The following FRMD6 variants were observed in gnomAD, a reference collection of about 807,000 sequenced individuals.
FRMD6 encodes FERM domain-containing protein 6.
Under a neutral mutation model 73.2 loss-of-function variants are expected in FRMD6, and 37 were observed. The ratio of observed to expected loss-of-function variants is 0.51; its 90% CI spans 0.39 to 0.66. FRMD6 has a LOEUF of 0.66. Ranked by LOEUF, FRMD6 falls within the 30% of genes least tolerant of loss-of-function variation. The probability of loss-of-function intolerance (pLI) is 0.00; values close to 1 mark genes in which losing one functional copy is unlikely to be tolerated. For synonymous variants in FRMD6, 273 were observed against 282.2 expected (o/e 0.97, Z 0.33); for missense variants, 714 against 780.5 (o/e 0.91, Z 1.02).
intron 1 of FRMD6, among the ~76,000 whole-genome samples, chr14:51,654,844 A>G (rs1250343441): frequency 6.6e-6 from 1 of 152,114 alleles, no homozygotes; most frequent in African/African-American, 2.4e-5. Flanking sequence ...AGTCTTCTAA[A>G]GGATAGAAAG....
chr14:51,564,707 T>C (rs1887682166), intron 1 of FRMD6, among the ~76,000 whole-genome samples: 1 of 152,210 alleles, frequency 6.6e-6, no homozygotes, highest in Admixed American at 6.5e-5. Flanking sequence ...CAACCTCTTC[T>C]AAGCAAATGT....
rs943185718 is a variant in FRMD6, at chr14:51,605,203, G to T, written c.-147+34793G>T. The stretch of plus-strand genomic sequence containing the variant: ...TTCTCACAGAGGGGGATTTGGCAGG[G>T]TCATAGGACAATAGTGGAGGGAAGG... On this transcript the variant is annotated intron_variant, in intron 2 of 14. Coordinates refer to the FRMD6 transcript ENST00000356218. Among the ~76,000 whole-genome samples the T allele has an allele frequency of 4.7e-5, 7 of 148,108 alleles. 2 individuals carry two copies. The Middle Eastern group carries it at 0.021, about 435-fold the overall frequency.
chr14:51,680,195 A>C (rs1229898866), intron 1 of FRMD6, among the ~76,000 whole-genome samples: 2 of 152,198 alleles, frequency 1.3e-5, no homozygotes, highest in Non-Finnish European at 2.9e-5. Flanking sequence ...TCATCTGTTC[A>C]GTCTGAGTTT....
chr14:51,676,183 A>T (rs1319172670), intron 1 of FRMD6, among the ~76,000 whole-genome samples: 1 of 152,158 alleles, frequency 6.6e-6, no homozygotes, highest in African/African-American at 2.4e-5. Flanking sequence ...CTTGGCCAGC[A>T]CATTCTCTCA....
chr14:51,723,137 T>C (rs908770996), intron 12 of FRMD6, among the ~76,000 whole-genome samples: 7 of 152,254 alleles, frequency 4.6e-5, no homozygotes, highest in Admixed American at 3.9e-4. Flanking sequence ...AGAGTTCATA[T>C]ACCAAACTTT....
intron 1 of FRMD6, among the ~76,000 whole-genome samples, chr14:51,563,821 G>A (rs1251857178): frequency 6.6e-6 from 1 of 152,154 alleles, no homozygotes; most frequent in African/African-American, 2.4e-5. Context: ...ATCAAGCTTG[G>A]AAAGTCCATT....
chr14:51,600,814 G>T (rs1489850664), intron 2 of FRMD6, among the ~76,000 whole-genome samples: 1 of 152,180 alleles, frequency 6.6e-6, no homozygotes, highest in Non-Finnish European at 1.5e-5. Context: ...TCAAACCCTG[G>T]CCATTGCCAA....
rs150336958 is a variant in FRMD6 at position 51,672,715 on chromosome 14, A to G, written c.-146-16976A>G. 5.2e-3 allele frequency among the ~76,000 whole-genome samples: 791 copies of G among 152,136 alleles called. 5 individuals are homozygous for G. Among genetic ancestry groups the G allele is most frequent in the South Asian group, 0.016 (79 of 4,814 alleles). On this transcript the variant is annotated intron_variant, in intron 1 of 13. Transcript: ENST00000344768. ...TCATATAGGGCTATTCAGGTTATCT[A>G]TTTCGTCTTGAATGAGCTTTGGAAG...
chr14:51,662,593 A>G (rs72675814), intron 1 of FRMD6, among the ~76,000 whole-genome samples: 43 of 152,366 alleles, frequency 2.8e-4, no homozygotes, highest in Non-Finnish European at 6.0e-4. Flanking sequence ...TTGGCTAGCC[A>G]TATACACAAG....
the FRMD6 span, among the ~76,000 whole-genome samples, chr14:51,438,795 T>A: frequency 6.6e-6 from 1 of 152,222 alleles, no homozygotes; most frequent in African/African-American, 2.4e-5. Context: ...AAAGTAATAG[T>A]GCCTGCCACT....
intron 1 of FRMD6, among the ~76,000 whole-genome samples, chr14:51,549,580 A>G (rs1240265713): frequency 7.7e-6 from 1 of 129,372 alleles, no homozygotes; most frequent in African/African-American, 3.0e-5. Flanking sequence ...TGGAGTATAA[A>G]CTTTTTTTTT....
intron 2 of FRMD6, among the ~76,000 whole-genome samples, chr14:51,609,060 T>G (rs1890383156): frequency 6.6e-6 from 1 of 152,222 alleles, no homozygotes; most frequent in South Asian, 2.1e-4. Context: ...ATTTTTAATT[T>G]CAAGTATCCT....
rs376568172 is a variant in FRMD6 at position 51,690,080 on chromosome 14, A to C, written c.99+145A>C. The C allele has an allele frequency of 9.0e-6, 6 of 668,802 alleles. No homozygotes were observed. The African/African-American group carries it at 1.1e-4, about 12-fold the overall frequency. The allele number at this position is 668,802 out of a possible 1,614,324, so 41.4% of individuals were successfully genotyped here. On this transcript the variant is annotated intron_variant, in intron 2 of 13. Transcript: ENST00000344768. ...AATTGGGTTGTCAAATAGTCCATACATACATTAACTTAGCTTTGTGGCTTG... is the reference window on the plus strand; with the variant it reads ...AATTGGGTTGTCAAATAGTCCATACCTACATTAACTTAGCTTTGTGGCTTG...
chr14:51,567,496 G>T (rs1887840356), intron 1 of FRMD6, among the ~76,000 whole-genome samples: 1 of 152,156 alleles, frequency 6.6e-6, no homozygotes, highest in South Asian at 2.1e-4. Flanking sequence ...ATAGCCATGT[G>T]CCAACATGCC....
chr14:51,449,404 A>G, the FRMD6 span, among the ~76,000 whole-genome samples: 4 of 152,310 alleles, frequency 2.6e-5, no homozygotes, highest in African/African-American at 7.2e-5. Context: ...CTCAGTGCAC[A>G]GTGGATTTTC....
chr14:51,449,196 G>A, the FRMD6 span, among the ~76,000 whole-genome samples: 1 of 152,184 alleles, frequency 6.6e-6, no homozygotes, highest in Non-Finnish European at 1.5e-5. Flanking sequence ...TGACTTCAGA[G>A]GGAGTTTCCT....
the FRMD6 span, among the ~76,000 whole-genome samples, chr14:51,406,921 G>A: frequency 2.0e-5 from 3 of 152,002 alleles, no homozygotes; most frequent in African/African-American, 7.2e-5. Context: ...ACACCTTGTT[G>A]TTGGTGTTAA....
intron 7 of FRMD6, among the ~76,000 whole-genome samples, chr14:51,709,511 G>T (rs1002025465): frequency 5.9e-5 from 9 of 152,152 alleles, no homozygotes; most frequent in Non-Finnish European, 1.0e-4. Context: ...GTATTGCTCA[G>T]TAATCTTGTT....
intron 1 of FRMD6, among the ~76,000 whole-genome samples, chr14:51,544,677 GT>G (rs59649652): frequency 0.035 from 5,164 of 147,758 alleles, 276 homozygotes; most frequent in African/African-American, 0.11. Context: ...ACTGTTTACA[GT>G]TTTTTTTTTA....
Sources: gnomAD v4.1 joint callset for allele counts (sites outside exome capture counted in the v4.1 genomes callset) on GRCh38, gnomAD v4.1.1 for gene constraint, MANE v1.5 for transcripts, NCBI Gene and HGNC (gene_info 2026-07-23, HGNC 2026-07-21) for gene names.